FOXP4: variants seen among roughly 807,000 people sequenced by gnomAD.
FOXP4 encodes forkhead box P4.
FOXP4 carries 25 observed loss-of-function variants against 82.6 expected under a neutral mutation model. The observed-to-expected ratio is 0.30, with a 90% CI of 0.22 to 0.42. The LOEUF (loss-of-function observed/expected upper bound fraction) is 0.42, where lower values mean the gene tolerates loss of function less well. FOXP4 is among the 10% of genes least tolerant of loss of function. FOXP4 has a pLI of 1.00. For synonymous variants in FOXP4, 415 were observed against 388.2 expected (o/e 1.07, Z -0.81); for missense variants, 785 against 900.9 (o/e 0.87, Z 1.65).
intron 2 of FOXP4, among the ~76,000 whole-genome samples, chr6:41,576,902 G>C (rs773056320): frequency 2.0e-5 from 3 of 152,288 alleles, no homozygotes; most frequent in East Asian, 1.9e-4. Context: ...TCCCAAGGGG[G>C]TCTTGAGCAA....
chr6:41,581,724 G>A (rs1435520439), intron 3 of FOXP4, among the ~76,000 whole-genome samples: 2 of 152,210 alleles, frequency 1.3e-5, no homozygotes, highest in Admixed American at 6.5e-5. Context: ...GGGCCACCTC[G>A]AGACGAGTGC....
intron 14 of FOXP4, among the ~76,000 whole-genome samples, chr6:41,596,238 A>G (rs1258406852): frequency 6.6e-6 from 1 of 152,212 alleles, no homozygotes; most frequent in Non-Finnish European, 1.5e-5. Flanking sequence ...AGCCTGGGAC[A>G]GGGTCAGGAC....
chr6:41,594,787 G>A, intron 13 of FOXP4, 83 bp from the exon 14 acceptor site: 4 of 1,580,172 alleles, frequency 2.5e-6, no homozygotes, highest in Non-Finnish European at 3.4e-6. Flanking sequence ...GCTGCTGCGT[G>A]GGACATGGGA....
Position 41,593,150 on chromosome 6 carries a change from A to T in FOXP4, c.1537-1720A>T, listed in dbSNP as rs988390726. Among the ~76,000 whole-genome samples the T allele has an allele frequency of 1.3e-5, 2 of 151,570 alleles. No homozygotes were observed. The highest frequency in any genetic ancestry group is 3.9e-4 in the East Asian group (2 of 5,160). On this transcript the variant is annotated intron_variant, in intron 13 of 16. Coordinates refer to ENST00000307972, the MANE Select transcript of FOXP4 (RefSeq NM_001012426.2). This position sits in a 1 kb window ranked among gnomAD's most constrained non-coding sequence, Gnocchi z 4.1. ...GTTACTTGGGAAATACACCATCTAC[A>T]CCCAACTCTGCTTCCCTTCCACCTC...
At chr6:41,570,754 G>A (rs913227700) in intron 2 of FOXP4, among the ~76,000 whole-genome samples, 1 of 152,162 alleles carries the variant, frequency 6.6e-6, no homozygotes, top group African/African-American at 2.4e-5. Flanking sequence ...GGAGAATTTG[G>A]GGAAGGGAGA....
rs1418246676 is a variant in FOXP4 at position 41,587,858 on chromosome 6, G to A, written c.938G>A (p.Gly313Asp). The change falls in exon 8 of 17, where the codon GGC becomes GAC. Residue 313 changes from glycine to aspartate, a missense_variant. Physicochemically the swap from Gly to Asp is moderately conservative, Grantham distance 94. Transcript: ENST00000307972. ...GGACACGGAGAGTGCAAGTGGCCAGGCTGTGAGACCCTGTGTGAAGACCTG... is the reference window on the plus strand; with the variant it reads ...GGACACGGAGAGTGCAAGTGGCCAGACTGTGAGACCCTGTGTGAAGACCTG... ...LYGHGECKWP[G>D]CETLCEDLGQ... 6.4e-7 allele frequency: 1 copy of A among 1,569,718 alleles called. No homozygotes were observed. The highest frequency in any genetic ancestry group is 8.7e-7 in the Non-Finnish European group (1 of 1,155,862).
At chr6:41,568,164 T>A (rs958908111) in intron 2 of FOXP4, among the ~76,000 whole-genome samples, 1 of 152,222 alleles carries the variant, frequency 6.6e-6, no homozygotes, top group Non-Finnish European at 1.5e-5. Context: ...TAAACAAGTA[T>A]GGGAAAGAGA....
intron 14 of FOXP4, among the ~76,000 whole-genome samples, 183 bp from the exon 15 acceptor site, chr6:41,596,993 C>T (rs755457538): frequency 2.0e-4 from 31 of 152,116 alleles, no homozygotes; most frequent in Non-Finnish European, 4.0e-4. Flanking sequence ...GCCAGTTGAG[C>T]GTGAAGACCG....
At chr6:41,587,676 T>A in intron 7 of FOXP4, 117 bp from the exon 8 acceptor site, 1 of 913,206 alleles carries the variant, frequency 1.1e-6, no homozygotes. Context: ...GCTTGGCCGC[T>A]GGGAAACCTG....
At chr6:41,585,589 G>A (rs977732161) in intron 5 of FOXP4, 72 bp downstream of exon 5, 3 of 1,399,660 alleles carry the variant, frequency 2.1e-6, no homozygotes, top group Non-Finnish European at 3.0e-6. Context: ...AGCTGGTCAG[G>A]AGGGAATTGC....
rs779466446 is a variant in FOXP4, at chr6:41,600,551, G to GC, written c.*1620dup. 1 of 152,030 alleles carries GC rather than the reference G, an allele frequency of 6.6e-6. No homozygotes were observed. The highest frequency in any genetic ancestry group is 1.5e-5 in the Non-Finnish European group (1 of 67,938). 9.4% of individuals were successfully genotyped at this position (152,030 alleles called of 1,614,324 possible). On this transcript the variant is annotated 3_prime_UTR_variant, in exon 17 of 17. Coordinates refer to ENST00000307972, the MANE Select transcript of FOXP4 (RefSeq NM_001012426.2). ...CCTCCTGAGAGGCAGGGGGCCCTCC[G>GC]CCCCCTCCCCATGTATTCCCCACCT...
At chr6:41,568,295 C>T (rs1432937595) in intron 2 of FOXP4, among the ~76,000 whole-genome samples, 1 of 152,142 alleles carries the variant, frequency 6.6e-6, no homozygotes, top group African/African-American at 2.4e-5. Context: ...GTTATCTCAC[C>T]ATCCCTGCAA....
rs1375333993 is a variant in FOXP4, at chr6:41,571,743, C to T, written c.204+5779C>T. 3.3e-5 allele frequency among the ~76,000 whole-genome samples: 5 copies of T among 152,288 alleles called. No individual in the cohort carries two copies. The East Asian group carries it at 9.7e-4, about 29-fold the overall frequency. ...TTTTATGGTCTCCTCTCCCCACCTT[C>T]CTTGTCCCCCCTCTCTGTGTAATTT... On this transcript the variant is annotated intron_variant, in intron 2 of 16. Transcript: ENST00000307972.
chr6:41,556,240 ATCC>A (rs1360945105), intron 1 of FOXP4, among the ~76,000 whole-genome samples: 1 of 151,914 alleles, frequency 6.6e-6, no homozygotes, highest in Non-Finnish European at 1.5e-5. Context: ...GTGTGGTTCC[ATCC>A]TCTGTCAAAA....
intron 1 of FOXP4, among the ~76,000 whole-genome samples, chr6:41,564,398 G>A (rs1221057011): frequency 6.6e-6 from 1 of 152,142 alleles, no homozygotes; most frequent in Non-Finnish European, 1.5e-5. Context: ...TGGCCTGGGT[G>A]ACAGAGCGAG....
rs190929311 is a variant in FOXP4 at position 41,556,125 on chromosome 6, C to G, written c.-17+9258C>G. On this transcript the variant is annotated intron_variant, in intron 1 of 16. Transcript: ENST00000307972. ...TCCAGAGTGACTCGGGGAGTTAGGACGCGGGGAGGAGCACTGGTTTAGGAG... is the reference window on the plus strand; with the variant it reads ...TCCAGAGTGACTCGGGGAGTTAGGAGGCGGGGAGGAGCACTGGTTTAGGAG... Among the ~76,000 whole-genome samples, 517 of 151,932 alleles carry G rather than the reference C, an allele frequency of 3.4e-3. 2 individuals are homozygous for G. The highest frequency in any genetic ancestry group is 5.3e-3 in the Non-Finnish European group (361 of 67,956).
At chr6:41,588,532 T>C in intron 8 of FOXP4, 112 bp from the exon 9 acceptor site, 1 of 1,028,906 alleles carries the variant, frequency 9.7e-7, no homozygotes, top group Non-Finnish European at 1.5e-6. Context: ...TCTTTGTATC[T>C]CTTGGTCTGT....
rs1011536997 is a variant in FOXP4 at position 41,599,056 on chromosome 6, G to A, written c.*120G>A. On this transcript the variant is annotated 3_prime_UTR_variant, in exon 17 of 17. Coordinates refer to ENST00000307972, the MANE Select transcript of FOXP4 (RefSeq NM_001012426.2). ...AGGCAAGTCCAGGACTCAGACCGGG[G>A]AGGCCCGGGCCAGCAGCTCCCAGTG... 1 of 1,369,118 alleles carries A rather than the reference G, an allele frequency of 7.3e-7. No individual in the cohort carries two copies. Among genetic ancestry groups the A allele is most frequent in the South Asian group, 1.6e-5 (1 of 64,486 alleles). The allele number at this position is 1,369,118 out of a possible 1,614,324, so 84.8% of individuals were successfully genotyped here.
intron 2 of FOXP4, among the ~76,000 whole-genome samples, chr6:41,567,176 C>G (rs907518079): frequency 2.6e-5 from 4 of 152,192 alleles, no homozygotes; most frequent in African/African-American, 9.7e-5. Flanking sequence ...TGACCTTGAC[C>G]AAGTCATGAG....
Sources: allele counts gnomAD v4.1 joint callset (sites outside exome capture counted in the v4.1 genomes callset), GRCh38; gene constraint gnomAD v4.1.1; non-coding constraint Gnocchi (gnomAD v3.1); transcripts MANE v1.5; gene names NCBI Gene and HGNC (gene_info 2026-07-23, HGNC 2026-07-21).